The following FILIP1 variants were observed in gnomAD, a reference collection of about 807,000 sequenced individuals.
The protein encoded by FILIP1 is filamin A interacting protein 1.
In FILIP1, 61 loss-of-function variants were observed where a neutral mutation model predicts 102.1. The ratio of observed to expected loss-of-function variants is 0.60; its 90% confidence interval spans 0.49 to 0.74. The LOEUF (loss-of-function observed/expected upper bound fraction) is 0.74. FILIP1 is among the 30% of genes least tolerant of loss of function. The pLI is 0.00. For synonymous variants in FILIP1, 491 were observed against 526.9 expected (o/e 0.93, Z 0.93); for missense variants, 1,314 against 1,441.2 (o/e 0.91, Z 1.43).
At chr6:75,448,204 C>T (rs892646112) in intron 1 of FILIP1, among the ~76,000 whole-genome samples, 52 of 152,042 alleles carry the variant, frequency 3.4e-4, no homozygotes, top group African/African-American at 1.2e-3. Flanking sequence ...TCATACCTTC[C>T]TCCTAGATCA....
intron 1 of FILIP1, among the ~76,000 whole-genome samples, chr6:75,431,934 GA>G (rs375389107): frequency 5.4e-4 from 82 of 152,268 alleles, no homozygotes; most frequent in Middle Eastern, 3.4e-3. Flanking sequence ...TGACATACAT[GA>G]ATTGTCTAAA....
chr6:75,384,269 C>T (rs149973074), intron 2 of FILIP1, among the ~76,000 whole-genome samples: 5 of 152,234 alleles, frequency 3.3e-5, no homozygotes, highest in South Asian at 4.1e-4. Context: ...TAACAATTTC[C>T]ACTGTGATTT....
chr6:75,346,687 T>C (rs1774597517), intron 4 of FILIP1, among the ~76,000 whole-genome samples: 1 of 152,148 alleles, frequency 6.6e-6, no homozygotes, highest in Non-Finnish European at 1.5e-5. Context: ...AAGTAAGATG[T>C]ATCCTCACTT....
rs1047165550 is a variant in FILIP1, at chr6:75,400,858, G to A, written c.276+13839C>T. Among the ~76,000 whole-genome samples, 4 of 152,040 alleles carry A rather than the reference G, an allele frequency of 2.6e-5. No homozygotes were observed. The East Asian group carries it at 5.8e-4, about 22-fold the overall frequency. On this transcript the variant is annotated intron_variant, in intron 2 of 5. Coordinates refer to ENST00000237172, the MANE Select transcript of FILIP1 (RefSeq NM_015687.5). ...AAAGAAAGTTGAGGCAATGAACAGA[G>A]TATTTTTGTTGTGGAAAGAAGTTGA...
In FILIP1 at chr6:75,330,465, C is replaced by T. The variant is rs58165063; in HGVS notation, c.630-15263G>A. 4.7e-3 allele frequency among the ~76,000 whole-genome samples: 709 copies of T among 152,104 alleles called. 2 individuals carry two copies. The highest frequency in any genetic ancestry group is 0.017 in the African/African-American group (685 of 41,500). On this transcript the variant is annotated intron_variant, in intron 4 of 5. Transcript: ENST00000237172. ...GGAGCCTGTGATCTCAAATTTTTGA[C>T]CCTAGCCCAGTGCAGGAAGGCCTAT...
intron 1 of FILIP1, among the ~76,000 whole-genome samples, chr6:75,484,289 T>A (rs1359800040): frequency 6.6e-6 from 1 of 152,168 alleles, no homozygotes; most frequent in Non-Finnish European, 1.5e-5. Context: ...CACAGTTCCA[T>A]ACTCAATTCT....
downstream of FILIP1, among the ~76,000 whole-genome samples, chr6:75,305,264 T>C (rs150598577): frequency 1.3e-5 from 2 of 152,314 alleles, no homozygotes; most frequent in African/African-American, 4.8e-5. Flanking sequence ...TTCATATCTA[T>C]AACCCCATGT....
intron 4 of FILIP1, among the ~76,000 whole-genome samples, chr6:75,328,540 C>T (rs1410748271): frequency 2.0e-5 from 3 of 152,216 alleles, no homozygotes; most frequent in African/African-American, 7.2e-5. Flanking sequence ...GTCACCCAGG[C>T]TGGAGTGCAG....
chr6:75,435,132 T>C (rs1777970000), intron 1 of FILIP1, among the ~76,000 whole-genome samples: 1 of 152,220 alleles, frequency 6.6e-6, no homozygotes, highest in South Asian at 2.1e-4. Flanking sequence ...ATCAGGGATA[T>C]TGGTCTAAAA....
chr6:75,376,661 A>G (rs1264421056), intron 2 of FILIP1, among the ~76,000 whole-genome samples: 1 of 152,166 alleles, frequency 6.6e-6, no homozygotes, highest in Non-Finnish European at 1.5e-5. Flanking sequence ...AACATAACCA[A>G]AAGCCTTTCC....
chr6:75,493,296 T>A (rs375355605), intron 1 of FILIP1, 118 bp downstream of exon 1: 22 of 152,354 alleles, frequency 1.4e-4, no homozygotes, highest in African/African-American at 5.1e-4. Flanking sequence ...AAATGTGTTA[T>A]CACATCATAG....
At chr6:75,481,391 C>T (rs1249951548) in intron 1 of FILIP1, among the ~76,000 whole-genome samples, 1 of 152,172 alleles carries the variant, frequency 6.6e-6, no homozygotes, top group Non-Finnish European at 1.5e-5. Context: ...GATTTAGCAT[C>T]ATCTTAGTTG....
intron 1 of FILIP1, among the ~76,000 whole-genome samples, chr6:75,485,655 T>C (rs10806040): frequency 0.96 from 146,633 of 152,188 alleles, 70,884 homozygotes; most frequent in East Asian, 1. Flanking sequence ...ATGCCAGAAA[T>C]GCAAATAGAA....
At chr6:75,438,687 G>A (rs1372319381) in intron 1 of FILIP1, among the ~76,000 whole-genome samples, 4 of 151,852 alleles carry the variant, frequency 2.6e-5, no homozygotes, top group Non-Finnish European at 4.4e-5. Context: ...TACATTCTAC[G>A]TAATCTCCAA....
At chr6:75,465,806 A>T (rs1216207488) in intron 1 of FILIP1, among the ~76,000 whole-genome samples, 1 of 152,208 alleles carries the variant, frequency 6.6e-6, no homozygotes. Flanking sequence ...CTTAAATCAG[A>T]TCATGCTCCT....
chr6:75,368,445 C>T (rs1775411573), intron 2 of FILIP1, among the ~76,000 whole-genome samples: 1 of 152,140 alleles, frequency 6.6e-6, no homozygotes, highest in Admixed American at 6.5e-5. Flanking sequence ...GCATTGTATT[C>T]AGTATTGGAG....
At chr6:75,397,966 G>C (rs1373893627) in intron 2 of FILIP1, 1 of 152,166 alleles carries the variant, frequency 6.6e-6, no homozygotes, top group East Asian at 1.9e-4. Context: ...TTTAACATCA[G>C]AGTAAGTGTT....
At chr6:75,376,568 T>G (rs1186674859) in intron 2 of FILIP1, among the ~76,000 whole-genome samples, 1 of 152,190 alleles carries the variant, frequency 6.6e-6, no homozygotes, top group East Asian at 1.9e-4. Flanking sequence ...ATATACTGCC[T>G]GACATACAGT....
rs71561424 is a variant in FILIP1 at position 75,315,194 on chromosome 6, T to G, written c.638A>C (p.Lys213Thr). ...LLEQERERLK[K>T]LLEQEKAYQA... ...ATAAGCCTTTTCTTGTTCAAGGAGC[T>G]TTTTTAACCTAGAAAATAAAATATA... Residue 213 changes from lysine to threonine, a missense_variant, in exon 5 of 6, where the codon AAG (lysine) becomes ACG (threonine). This residue lies in a region of FILIP1 where 494 missense variants were observed against 511.2 expected (regional missense o/e 0.97). Coordinates refer to ENST00000237172, the MANE Select transcript of FILIP1 (RefSeq NM_015687.5). 14 of 1,533,572 alleles carry G rather than the reference T, an allele frequency of 9.1e-6. No individual in the cohort carries two copies. The highest frequency in any genetic ancestry group is 1.1e-5 in the Non-Finnish European group (13 of 1,145,372). The allele number at this position is 1,533,572 out of a possible 1,614,324, so 95.0% of individuals were successfully genotyped here.
Sources: allele counts gnomAD v4.1 joint callset (sites outside exome capture counted in the v4.1 genomes callset), GRCh38; gene constraint gnomAD v4.1.1; regional missense constraint gnomAD v4.1.1; transcripts MANE v1.5; gene names NCBI Gene and HGNC (gene_info 2026-07-23, HGNC 2026-07-21).